The following SCAF8 variants were observed in gnomAD, a reference collection of about 807,000 sequenced individuals.
The protein encoded by SCAF8 is SR-related and CTD-associated factor 8.
SCAF8 carries 23 observed loss-of-function variants against 140.5 expected under a neutral mutation model. The observed-to-expected ratio is 0.16, with a 90% CI of 0.12 to 0.23. The LOEUF (loss-of-function observed/expected upper bound fraction) is 0.23, where lower values mean the gene tolerates loss of function less well. Among genes scored for constraint, SCAF8 ranks in the 10% least tolerant of loss-of-function variants. The pLI is 1.00. For synonymous variants in SCAF8, 575 were observed against 528.9 expected, an observed-to-expected ratio of 1.09 and a Z score of -1.20; for missense variants, 1,397 against 1,555.7, an observed-to-expected ratio of 0.90 and a Z score of 1.72.
At chr6:154,747,175 T>C (rs1343946909) in intron 1 of SCAF8, among the ~76,000 whole-genome samples, 1 of 152,124 alleles carries the variant, frequency 6.6e-6, no homozygotes, top group Non-Finnish European at 1.5e-5. Flanking sequence ...ATTTTAGGTG[T>C]TGTGGGCCTC....
In SCAF8 at chr6:154,787,881, A is replaced by G; in HGVS notation, c.180A>G (p.Val60=). 1.9e-6 allele frequency: 3 copies of G among 1,613,176 alleles called. No homozygotes were observed. Among genetic ancestry groups the G allele is most frequent in the East Asian group, 2.2e-5 (1 of 44,862 alleles). The change falls in exon 4 of 20, where the codon GTA becomes GTG. Residue 60 remains valine, a synonymous_variant. Coordinates refer to ENST00000367178, the MANE Select transcript of SCAF8 (RefSeq NM_014892.5). Reference sequence around the variant, plus strand: ...ATCAGTGTAAACCAGAATACAAAGTACCTGGACTTTATGTTATTGACTCCA... The same window carrying G: ...ATCAGTGTAAACCAGAATACAAAGTGCCTGGACTTTATGTTATTGACTCCA... ...FIQKCKPEYK[V]PGLYVIDSIV...
rs539845904 is a variant in SCAF8 at position 154,803,570 on chromosome 6, G to A, written c.810G>A (p.Gly270=). The A allele has an allele frequency of 1.2e-6, 2 of 1,612,316 alleles. No homozygotes were observed. Among genetic ancestry groups the A allele is most frequent in the African/African-American group, 1.3e-5 (1 of 74,920 alleles). The part of the protein sequence containing the change: ...NKKLMDRFDF[G]EDSEHSEEPK... ...AGTTGATGGATAGGTTTGATTTTGG[G>A]GAAGACTCTGAGCATAGTGAAGAAC... Residue 270 remains glycine (G), a synonymous_variant, in exon 8 of 20, where the codon GGG becomes GGA. Transcript: ENST00000367178.
intron 3 of SCAF8, among the ~76,000 whole-genome samples, 179 bp downstream of exon 3, chr6:154,778,224 G>A (rs1225333669): frequency 1.3e-5 from 2 of 152,102 alleles, no homozygotes; most frequent in Non-Finnish European, 2.9e-5. Flanking sequence ...TTTTACTTAG[G>A]TTTGTATTCT....
chr6:154,742,745 TA>T (rs1778603152), intron 1 of SCAF8, among the ~76,000 whole-genome samples: 1 of 33,442 alleles, frequency 3.0e-5, no homozygotes, highest in African/African-American at 4.1e-4. Context: ...GACATTTCTT[TA>T]TTTATTCAGA....
chr6:154,771,040 T>C (rs1776750976), intron 1 of SCAF8, among the ~76,000 whole-genome samples: 1 of 152,212 alleles, frequency 6.6e-6, no homozygotes, highest in Non-Finnish European at 1.5e-5. Context: ...CCACTATGCC[T>C]GACCTTGGTT....
chr6:154,775,931 T>A (rs961711205), intron 2 of SCAF8, among the ~76,000 whole-genome samples: 3 of 152,180 alleles, frequency 2.0e-5, no homozygotes, highest in Admixed American at 1.3e-4. Flanking sequence ...TTGCTACATA[T>A]GGAAGTTAGT....
In SCAF8 at chr6:154,795,144, G is replaced by A. The variant is rs376390543; in HGVS notation, c.606+5G>A. ...CAAAGTCCTCAAGGCCAGCAGGTGA[G>A]CGGTTTTTCTGTTATATCAAGAATA... is the stretch of plus-strand genomic sequence containing the variant. On this transcript the variant is annotated splice_donor_5th_base_variant and intron_variant, in intron 6 of 19. Coordinates refer to ENST00000367178, the MANE Select transcript of SCAF8 (RefSeq NM_014892.5). The A allele has an allele frequency of 3.9e-6, 6 of 1,557,768 alleles. No individual in the cohort carries two copies. The highest frequency in any genetic ancestry group is 1.7e-4 in the Middle Eastern group (1 of 5,900).
chr6:154,813,423 G>T (rs1457343395), intron 12 of SCAF8, among the ~76,000 whole-genome samples: 1 of 152,130 alleles, frequency 6.6e-6, no homozygotes, highest in Non-Finnish European at 1.5e-5. Context: ...TGTGGAGGCT[G>T]AGACAGGAGG....
chr6:154,819,530 G>T (rs1449579506), intron 14 of SCAF8, among the ~76,000 whole-genome samples: 1 of 152,186 alleles, frequency 6.6e-6, no homozygotes, highest in Admixed American at 6.5e-5. Flanking sequence ...AGTCAAGGCT[G>T]TAGTGAGCCA....
intron 1 of SCAF8, among the ~76,000 whole-genome samples, chr6:154,754,673 C>G (rs552347768): frequency 4.6e-5 from 7 of 152,180 alleles, no homozygotes; most frequent in Non-Finnish European, 8.8e-5. Flanking sequence ...CTCCCTGTCT[C>G]TTTCAAATTT....
At chr6:154,754,869 C>G (rs749654252) in intron 1 of SCAF8, among the ~76,000 whole-genome samples, 8 of 152,268 alleles carry the variant, frequency 5.3e-5, no homozygotes, top group African/African-American at 1.9e-4. Context: ...CTCATATCTT[C>G]AAGGTATTTT....
chr6:154,782,106 A>G (rs1238684817), intron 3 of SCAF8, among the ~76,000 whole-genome samples: 9 of 152,134 alleles, frequency 5.9e-5, no homozygotes, highest in Non-Finnish European at 1.2e-4. Context: ...TCATATGCTG[A>G]TTGTGTCTTA....
intron 1 of SCAF8, chr6:154,741,819 C>T: frequency 1.7e-6 from 1 of 577,388 alleles, no homozygotes; most frequent in South Asian, 2.0e-5. Flanking sequence ...CTGTTTTGGA[C>T]AACTTCTAAC....
chr6:154,795,393 T>C (rs1372919864), intron 6 of SCAF8, among the ~76,000 whole-genome samples: 2 of 152,156 alleles, frequency 1.3e-5, no homozygotes, highest in African/African-American at 2.4e-5. Flanking sequence ...CCAAATATTA[T>C]TAGGTGCTAT....
chr6:154,812,685 A>G (rs574813485), intron 12 of SCAF8, among the ~76,000 whole-genome samples: 3 of 152,290 alleles, frequency 2.0e-5, no homozygotes, highest in Middle Eastern at 6.8e-3. Context: ...GTTTTCGTGA[A>G]TAGTCTAGGG....
At chr6:154,783,828 G>A (rs754244624) in intron 3 of SCAF8, among the ~76,000 whole-genome samples, 86 of 152,072 alleles carry the variant, frequency 5.7e-4, no homozygotes, top group Admixed American at 1.9e-3. Flanking sequence ...AGCACTTTGG[G>A]AGGCCGAGGT....
At chr6:154,800,360 G>A (rs1777737992) in intron 6 of SCAF8, among the ~76,000 whole-genome samples, 1 of 151,570 alleles carries the variant, frequency 6.6e-6, no homozygotes, top group African/African-American at 2.4e-5. Flanking sequence ...GCATTACAGT[G>A]TTGGAGATAC....
At chr6:154,788,573 T>C (rs530931662) in intron 4 of SCAF8, among the ~76,000 whole-genome samples, 3 of 152,304 alleles carry the variant, frequency 2.0e-5, no homozygotes, top group East Asian at 1.9e-4. Context: ...GTTGAAGCAA[T>C]TGGTGTTAAA....
Position 154,830,970 on chromosome 6 carries a change from T to C in SCAF8, c.2189T>C (p.Val730Ala). 1 of 1,614,108 alleles carries C rather than the reference T, an allele frequency of 6.2e-7. No individual in the cohort carries two copies. The highest frequency in any genetic ancestry group is 8.5e-7 in the Non-Finnish European group (1 of 1,179,970). Reference protein sequence around the residue: ...LSMTPETVKDVGFGSLVIPGG... With the variant: ...LSMTPETVKDAGFGSLVIPGG... ...ATGACACCGGAAACTGTGAAAGATG[T>C]TGGATTTGGTAGCCTTGTTATACCA... Residue 730 changes from valine (V) to alanine (A), a missense_variant, in exon 19 of 20, where the codon GTT (valine) becomes GCT (alanine). This residue lies in a region of SCAF8 where 930 missense variants were observed against 874.6 expected (regional missense o/e 1.06). Transcript: ENST00000367178.
Sources: gnomAD v4.1 joint callset for allele counts (sites outside exome capture counted in the v4.1 genomes callset) on GRCh38, gnomAD v4.1.1 for gene constraint, gnomAD v4.1.1 regional missense constraint, MANE v1.5 for transcripts, NCBI Gene and HGNC (gene_info 2026-07-23, HGNC 2026-07-21) for gene names.